The following RANBP17 variants were observed in gnomAD, a reference collection of about 807,000 sequenced individuals.
RANBP17 encodes the protein ran-binding protein 17.
In RANBP17, 158 loss-of-function variants were observed where a neutral mutation model predicts 141.2. The observed-to-expected ratio is 1.12, with a 90% CI of 0.98 to 1.28. RANBP17 has a LOEUF of 1.28. Ranked by LOEUF, RANBP17 falls within the 50% of genes most tolerant of loss-of-function variation. The probability of loss-of-function intolerance (pLI) is 0.00; values close to 1 mark genes in which losing one functional copy is unlikely to be tolerated. For synonymous variants in RANBP17, 430 were observed against 450.0 expected (o/e 0.96, Z 0.56); for missense variants, 1,438 against 1,290.7 (o/e 1.11, Z -1.75).
intron 12 of RANBP17, among the ~76,000 whole-genome samples, chr5:170,938,263 A>C (rs1019776901): frequency 6.6e-6 from 1 of 152,222 alleles, no homozygotes; most frequent in East Asian, 1.9e-4. Context: ...TTGAACCCTC[A>C]AAAGGGTATA....
chr5:171,023,953 C>A (rs1374185425), intron 14 of RANBP17, among the ~76,000 whole-genome samples: 1 of 152,124 alleles, frequency 6.6e-6, no homozygotes, highest in African/African-American at 2.4e-5. Flanking sequence ...TTGCAAAAAT[C>A]AAGAGAGTAA....
At position 171,264,133 on chromosome 5, in the gene RANBP17, G is replaced by A. The variant is rs1413716162; in HGVS notation, c.2777-1548G>A. Among the ~76,000 whole-genome samples the A allele has an allele frequency of 2.0e-5, 3 of 152,162 alleles. 1 individual carries two copies. The highest frequency in any genetic ancestry group is 4.4e-5 in the Non-Finnish European group (3 of 68,024). ...TACCTAGTTTTAATGTAGTGGTTAA[G>A]AATACAGATCCAGAAAAAACAAATG... On this transcript the variant is annotated intron_variant, in intron 24 of 27. Transcript: ENST00000523189.
Position 171,171,214 on chromosome 5 carries a change from A to T in RANBP17, c.1793A>T (p.Asn598Ile), listed in dbSNP as rs768325231. 30 of 1,576,810 alleles carry T rather than the reference A, an allele frequency of 1.9e-5. No individual in the cohort carries two copies. The East Asian group carries it at 6.8e-4, about 36-fold the overall frequency. The change falls in exon 16 of 28, where the codon AAC (asparagine) becomes ATC (isoleucine). Residue 598 changes from asparagine (N) to isoleucine (I), a missense_variant. Physicochemically the swap from Asn to Ile is moderately radical, Grantham distance 149. Transcript: ENST00000523189. ...CTTTTTTTCATATTTAGTGTTACAA[A>T]CCTTAAATACTGGGGAAGATATGAG... Reference protein sequence around the residue: ...LETFMTKIVTNLKYWGRYEPV... With the variant: ...LETFMTKIVTILKYWGRYEPV...
At chr5:171,067,564 C>T (rs1203419998) in intron 14 of RANBP17, among the ~76,000 whole-genome samples, 1 of 152,050 alleles carries the variant, frequency 6.6e-6, no homozygotes, top group East Asian at 1.9e-4. Flanking sequence ...TGGGGCTAGT[C>T]TGTTAGTAAT....
chr5:170,895,660 A>T (rs1034562910), intron 4 of RANBP17, among the ~76,000 whole-genome samples: 5 of 152,176 alleles, frequency 3.3e-5, no homozygotes, highest in African/African-American at 9.7e-5. Flanking sequence ...GGCTTTAAGC[A>T]AATTATAGAG....
At chr5:170,937,760 T>A (rs1349235608) in intron 12 of RANBP17, among the ~76,000 whole-genome samples, 1 of 152,230 alleles carries the variant, frequency 6.6e-6, no homozygotes, top group Non-Finnish European at 1.5e-5. Context: ...CATTTCAGAT[T>A]TGTGTTCTGT....
intron 25 of RANBP17, among the ~76,000 whole-genome samples, chr5:171,282,070 T>C (rs564045817): frequency 2.0e-5 from 3 of 152,160 alleles, no homozygotes; most frequent in African/African-American, 7.2e-5. Context: ...AAGCTAAATA[T>C]GTATAGCTTA....
Position 170,909,783 on chromosome 5 carries a change from T to G in RANBP17, c.594+18T>G. On this transcript the variant is annotated intron_variant, in intron 6 of 27. Coordinates refer to ENST00000523189, the MANE Select transcript of RANBP17 (RefSeq NM_022897.5). Reference sequence around the variant, plus strand: ...TAAAAGAGGTAAGTTATTTGATAATTCAACTTCCTAGTTAGAATATTTGGG... The same window carrying G: ...TAAAAGAGGTAAGTTATTTGATAATGCAACTTCCTAGTTAGAATATTTGGG... 4 of 1,178,246 alleles carry G rather than the reference T, an allele frequency of 3.4e-6. No individual in the cohort carries two copies. Among genetic ancestry groups the G allele is most frequent in the Non-Finnish European group, 3.8e-6 (3 of 792,886 alleles). The allele number at this position is 1,178,246 out of a possible 1,614,324, so 73.0% of individuals were successfully genotyped here.
At chr5:171,054,200 G>A (rs190302) in intron 14 of RANBP17, among the ~76,000 whole-genome samples, 92,813 of 151,604 alleles carry the variant, frequency 0.61, 29,754 homozygotes, top group South Asian at 0.88. Flanking sequence ...TTTTGTTTTC[G>A]GGGGTTTTTT....
chr5:171,297,886 C>T (rs1320837941), intron 27 of RANBP17, among the ~76,000 whole-genome samples: 1 of 117,144 alleles, frequency 8.5e-6, no homozygotes, highest in Non-Finnish European at 1.6e-5. Flanking sequence ...GACAGAGTCT[C>T]GCTCTGTTTC....
chr5:171,170,910 C>T (rs1272092182), intron 15 of RANBP17, among the ~76,000 whole-genome samples: 6 of 152,092 alleles, frequency 3.9e-5, no homozygotes, highest in African/African-American at 9.7e-5. Context: ...CTTCTCCTCC[C>T]TAATATGTTT....
intron 14 of RANBP17, among the ~76,000 whole-genome samples, chr5:171,075,024 G>A (rs1173880351): frequency 3.3e-5 from 5 of 152,024 alleles, no homozygotes; most frequent in Non-Finnish European, 4.4e-5. Context: ...TTATGCCGGC[G>A]GCTGCAAAAT....
intron 14 of RANBP17, among the ~76,000 whole-genome samples, chr5:171,105,069 TA>T (rs1351148528): frequency 6.6e-6 from 1 of 152,118 alleles, no homozygotes; most frequent in Non-Finnish European, 1.5e-5. Context: ...TTGGAGAGGA[TA>T]AAACAATTTT....
chr5:171,269,626 A>G (rs1177952274), intron 25 of RANBP17, among the ~76,000 whole-genome samples: 1 of 152,198 alleles, frequency 6.6e-6, no homozygotes, highest in African/African-American at 2.4e-5. Flanking sequence ...TCAGCCTGTT[A>G]CCAGTGGGAT....
chr5:170,864,606 A>G (rs1561836224), intron 1 of RANBP17, among the ~76,000 whole-genome samples: 1 of 152,202 alleles, frequency 6.6e-6, no homozygotes, highest in African/African-American at 2.4e-5. Flanking sequence ...AGAGTGAGGA[A>G]AAAGAATTGA....
At chr5:171,245,026 G>A (rs887243646) in intron 24 of RANBP17, among the ~76,000 whole-genome samples, 13 of 151,946 alleles carry the variant, frequency 8.6e-5, no homozygotes, top group Non-Finnish European at 7.4e-5. Flanking sequence ...CTACCCAGGA[G>A]GCTGAAGCAG....
chr5:170,891,378 C>T (rs1205037541), intron 3 of RANBP17, among the ~76,000 whole-genome samples: 1 of 152,040 alleles, frequency 6.6e-6, no homozygotes, highest in Non-Finnish European at 1.5e-5. Context: ...GAAAGATGAT[C>T]TGAAATAGTA....
chr5:171,175,114 G>T (rs950560554), intron 16 of RANBP17, among the ~76,000 whole-genome samples: 1 of 152,010 alleles, frequency 6.6e-6, no homozygotes, highest in African/African-American at 2.4e-5. Flanking sequence ...CCATGTCCCT[G>T]CAAAGAACAT....
At chr5:171,150,468 G>T (rs1180995926) in intron 14 of RANBP17, among the ~76,000 whole-genome samples, 3 of 150,226 alleles carry the variant, frequency 2.0e-5, no homozygotes, top group South Asian at 2.1e-4. Context: ...TTGATGAAAG[G>T]TACTAATTTT....
Sources: allele counts gnomAD v4.1 joint callset (sites outside exome capture counted in the v4.1 genomes callset), GRCh38; gene constraint gnomAD v4.1.1; transcripts MANE v1.5; gene names NCBI Gene and HGNC (gene_info 2026-07-23, HGNC 2026-07-21).